The following GTF2I variants were observed in gnomAD, a reference collection of about 807,000 sequenced individuals.
GTF2I encodes the protein general transcription factor II-I.
In GTF2I, 12 loss-of-function variants were observed where a neutral mutation model predicts 67.6. The ratio of observed to expected loss-of-function variants is 0.18; its 90% confidence interval spans 0.11 to 0.29. The LOEUF (loss-of-function observed/expected upper bound fraction) is 0.29, where lower values mean the gene tolerates loss of function less well. Among genes scored for constraint, GTF2I ranks in the 10% least tolerant of loss-of-function variants. GTF2I has a pLI of 1.00. For synonymous variants in GTF2I, 149 were observed against 197.0 expected (o/e 0.76, Z 2.04); for missense variants, 271 against 580.1 (o/e 0.47, Z 5.47).
chr7:74,688,925 A>G, intron 1 of GTF2I, 199 bp from the exon 2 acceptor site: 1 of 496,316 alleles, frequency 2.0e-6, no homozygotes, highest in South Asian at 3.1e-5. Flanking sequence ...GGAAATAACA[A>G]TATATAGAAA....
At chr7:74,732,152 T>TATATATAC (rs1794552329) in intron 14 of GTF2I, among the ~76,000 whole-genome samples, 1 of 148,632 alleles carries the variant, frequency 6.7e-6, no homozygotes, top group Non-Finnish European at 1.5e-5. Flanking sequence ...CATATATATA[T>TATATATAC]ATATATACAT....
chr7:74,726,985 A>G (rs1263849743), intron 12 of GTF2I: 3 of 152,190 alleles, frequency 2.0e-5, no homozygotes, highest in Admixed American at 6.5e-5. Context: ...TTTTCTATCA[A>G]ATTTTTTCCT....
At chr7:74,687,489 C>T (rs1787840060) in intron 1 of GTF2I, 2 of 895,082 alleles carry the variant, frequency 2.2e-6, no homozygotes, top group Non-Finnish European at 1.3e-6. Flanking sequence ...TTCCAAAGGG[C>T]TGGGATTACA....
In GTF2I at chr7:74,698,963, G is replaced by C. The variant is rs200063075; in HGVS notation, c.241G>C (p.Val81Leu). 75 of 1,347,160 alleles carry C rather than the reference G, an allele frequency of 5.6e-5. No individual in the cohort carries two copies. The African/African-American group carries it at 1.1e-3, about 19-fold the overall frequency. 83.5% of individuals were successfully genotyped at this position (1,347,160 alleles called of 1,614,324 possible). Residue 81 changes from valine (V) to leucine (L), a missense_variant and splice_region_variant, in exon 4 of 35, where the codon GTT becomes CTT. Around this residue, in one of 9 missense-constraint regions of GTF2I, gnomAD observed 72 missense variants for 87.4 expected, o/e 0.82. Coordinates refer to ENST00000573035, the MANE Select transcript of GTF2I (RefSeq NM_032999.4). ...TTTATTTTTTATTTTTTTTACAGGT[G>C]TTGAAGAAGAAGAAAAAGCTGCAGA... ...DFQKDFVKYC[V>L]EEEEKAAEMH...
chr7:74,731,189 A>G (rs1465562843), intron 14 of GTF2I, among the ~76,000 whole-genome samples: 1 of 149,194 alleles, frequency 6.7e-6, no homozygotes, highest in East Asian at 2.0e-4. Flanking sequence ...TTTTATTTTT[A>G]TCATATTTAT....
intron 2 of GTF2I, 37 bp downstream of exon 2, chr7:74,689,264 G>C (rs782164770): frequency 5.6e-6 from 6 of 1,068,516 alleles, no homozygotes; most frequent in Non-Finnish European, 8.7e-6. Context: ...TAGTTGGGTA[G>C]GCCTGCACTG....
chr7:74,666,211 A>G (rs587597392), intron 1 of GTF2I, among the ~76,000 whole-genome samples: 17 of 152,314 alleles, frequency 1.1e-4, no homozygotes, highest in South Asian at 8.3e-4. Context: ...TTAATTTGTT[A>G]TATCTAGAAA....
intron 1 of GTF2I, among the ~76,000 whole-genome samples, chr7:74,680,114 A>ATATATATG (rs1339021361): frequency 8.2e-6 from 1 of 121,506 alleles, no homozygotes; most frequent in African/African-American, 3.3e-5. Context: ...ATATATATAT[A>ATATATATG]TATGTATGTA....
intron 1 of GTF2I, among the ~76,000 whole-genome samples, chr7:74,672,924 G>A (rs587759325): frequency 2.6e-5 from 4 of 152,200 alleles, no homozygotes; most frequent in South Asian, 2.1e-4. Context: ...GCAGTGGCAC[G>A]ATCTCGGCTC....
At chr7:74,707,977 A>G (rs1406030892) in intron 8 of GTF2I, among the ~76,000 whole-genome samples, 1 of 152,046 alleles carries the variant, frequency 6.6e-6, no homozygotes, top group Non-Finnish European at 1.5e-5. Flanking sequence ...CAGAAACCAT[A>G]TCAGTTATTG....
At chr7:74,685,453 C>T (rs1245526428) in intron 1 of GTF2I, among the ~76,000 whole-genome samples, 2 of 151,334 alleles carry the variant, frequency 1.3e-5, no homozygotes, top group Admixed American at 6.6e-5. Flanking sequence ...GCTGAGATAG[C>T]GCCATTGCAC....
In GTF2I at chr7:74,701,717, G is replaced by A. The variant is rs587700583; in HGVS notation, c.586+1083G>A. Among the ~76,000 whole-genome samples, 20 of 152,062 alleles carry A rather than the reference G, an allele frequency of 1.3e-4. No individual in the cohort carries two copies. The South Asian group carries it at 1.7e-3, about 13-fold the overall frequency. On this transcript the variant is annotated intron_variant, in intron 6 of 34. Transcript: ENST00000573035. ...TGACCTCAAATGATCCACCCGCCCC[G>A]GCCTCCCAAAGTGCTGGGATTACAG...
intron 7 of GTF2I, 52 bp downstream of exon 7, chr7:74,705,270 T>C (rs1441890405): frequency 2.8e-6 from 3 of 1,059,214 alleles, no homozygotes; most frequent in Non-Finnish European, 4.4e-6. Context: ...CAAAAAGTTT[T>C]AGTTGTTAGA....
At chr7:74,698,389 CTTT>C (rs67968753) in intron 3 of GTF2I, among the ~76,000 whole-genome samples, 205 of 55,900 alleles carry the variant, frequency 3.7e-3, no homozygotes, top group Middle Eastern at 0.014. Context: ...CGCACCTGGC[CTTT>C]TTTTTTTTTT....
At chr7:74,696,374 T>C (rs1454143142) in intron 3 of GTF2I, among the ~76,000 whole-genome samples, 1 of 151,952 alleles carries the variant, frequency 6.6e-6, no homozygotes, top group Non-Finnish European at 1.5e-5. Context: ...CTATCGCCCA[T>C]GGAGTGCAGT....
Position 74,671,528 on chromosome 7 carries a change from TACA to T in GTF2I, c.-6+13464_-6+13466del, listed in dbSNP as rs1380213696. Reference sequence around the variant, plus strand: ...CATACTATAAAGCTTTAAGTACGAATACAACACAGTTGTAAATCGTTTCAAATC... The same window carrying T: ...CATACTATAAAGCTTTAAGTACGAATACACAGTTGTAAATCGTTTCAAATC... On this transcript the variant is annotated intron_variant, in intron 1 of 34. Transcript: ENST00000573035. Among the ~76,000 whole-genome samples, 10 of 152,148 alleles carry T rather than the reference TACA, an allele frequency of 6.6e-5. No individual in the cohort carries two copies. In the East Asian group the frequency reaches 1.7e-3, roughly 26 times the overall value.
At chr7:74,690,102 T>C (rs1788138793) in intron 2 of GTF2I, among the ~76,000 whole-genome samples, 1 of 151,834 alleles carries the variant, frequency 6.6e-6, no homozygotes, top group Non-Finnish European at 1.5e-5. Flanking sequence ...GTAGTCCCAG[T>C]AACCCGGGAG....
intron 8 of GTF2I, among the ~76,000 whole-genome samples, chr7:74,706,761 C>T (rs907243599): frequency 2.0e-5 from 3 of 152,128 alleles, no homozygotes; most frequent in East Asian, 1.9e-4. Context: ...ATGCCCCCTT[C>T]GTCTCCACCT....
At chr7:74,667,016 G>A (rs587699296) in intron 1 of GTF2I, among the ~76,000 whole-genome samples, 59 of 151,870 alleles carry the variant, frequency 3.9e-4, no homozygotes, top group African/African-American at 1.3e-3. Flanking sequence ...GTGGTGGTGC[G>A]CACCTGTAAT....
Sources: gnomAD v4.1 joint callset for allele counts (sites outside exome capture counted in the v4.1 genomes callset) on GRCh38, gnomAD v4.1.1 for gene constraint, gnomAD v4.1.1 regional missense constraint, MANE v1.5 for transcripts, NCBI Gene and HGNC (gene_info 2026-07-23, HGNC 2026-07-21) for gene names.